PLCB1: variants seen among roughly 807,000 people sequenced by gnomAD.
PLCB1 encodes the protein phospholipase C beta 1, also known as 1-phosphatidylinositol 4,5-bisphosphate phosphodiesterase beta-1.
PLCB1 carries 46 observed loss-of-function variants against 161.8 expected under a neutral mutation model. The ratio of observed to expected loss-of-function variants is 0.28; its 90% CI spans 0.22 to 0.36. PLCB1 has a LOEUF of 0.36. PLCB1 is among the 10% of genes least tolerant of loss of function. The pLI is 1.00. For missense variants in PLCB1, 1,016 were observed against 1,472.5 expected, an observed-to-expected ratio of 0.69 and a Z score of 5.07; for synonymous variants, 517 against 503.7, an observed-to-expected ratio of 1.03 and a Z score of -0.35.
At chr20:8,729,308 G>A (rs1410634983) in intron 18 of PLCB1, 134 bp downstream of exon 18, 2 of 713,868 alleles carry the variant, frequency 2.8e-6, no homozygotes, top group Admixed American at 3.3e-5. Context: ...TTCAATGAAG[G>A]GAATATCAAT....
At chr20:8,350,045 A>G (rs191734581) in intron 2 of PLCB1, among the ~76,000 whole-genome samples, 3 of 152,202 alleles carry the variant, frequency 2.0e-5, no homozygotes, top group Non-Finnish European at 4.4e-5. Flanking sequence ...TTGTTTTTCT[A>G]TGTTCCAGAA....
chr20:8,328,112 C>A (rs1985227657), intron 2 of PLCB1, among the ~76,000 whole-genome samples: 1 of 151,842 alleles, frequency 6.6e-6, no homozygotes, highest in Non-Finnish European at 1.5e-5. Flanking sequence ...ATCTGTAATC[C>A]AAAAATCTGA....
chr20:8,564,803 G>T (rs1986267482), intron 3 of PLCB1, among the ~76,000 whole-genome samples: 1 of 152,200 alleles, frequency 6.6e-6, no homozygotes, highest in South Asian at 2.1e-4. Flanking sequence ...TCTAACACCA[G>T]TTGGAATGGC....
At chr20:8,809,807 C>A (rs2146250450) in intron 31 of PLCB1, among the ~76,000 whole-genome samples, 1 of 152,202 alleles carries the variant, frequency 6.6e-6, no homozygotes, top group South Asian at 2.1e-4. Flanking sequence ...AACTTTCAGG[C>A]CCTCAGTATA....
At chr20:8,734,821 A>T (rs1273120575) in intron 19 of PLCB1, among the ~76,000 whole-genome samples, 2 of 152,012 alleles carry the variant, frequency 1.3e-5, no homozygotes, top group Non-Finnish European at 1.5e-5. Context: ...ACATAAATGT[A>T]ATTTTTTGAT....
chr20:8,649,131 A>G (rs943442065), intron 6 of PLCB1, among the ~76,000 whole-genome samples: 4 of 152,202 alleles, frequency 2.6e-5, no homozygotes, highest in East Asian at 1.9e-4. Flanking sequence ...AATATTTTTT[A>G]ATTGGGTCAG....
At chr20:8,282,612 A>T (rs1355085947) in intron 2 of PLCB1, among the ~76,000 whole-genome samples, 1 of 152,178 alleles carries the variant, frequency 6.6e-6, no homozygotes, top group Non-Finnish European at 1.5e-5. Context: ...TGGAGCCAGG[A>T]TGTAAATAGA....
intron 9 of PLCB1, among the ~76,000 whole-genome samples, chr20:8,671,788 A>G (rs73078023): frequency 0.04 from 6,022 of 152,232 alleles, 183 homozygotes; most frequent in South Asian, 0.1. Context: ...AGTTATGTGG[A>G]TAAGCACCAT....
At chr20:8,369,236 T>G (rs1986822567) in intron 2 of PLCB1, among the ~76,000 whole-genome samples, 1 of 152,170 alleles carries the variant, frequency 6.6e-6, no homozygotes, top group Non-Finnish European at 1.5e-5. Flanking sequence ...GCGTGTTTTA[T>G]GACTTCCCTC....
intron 2 of PLCB1, among the ~76,000 whole-genome samples, chr20:8,370,388 C>A (rs913470136): frequency 6.6e-6 from 1 of 152,174 alleles, no homozygotes; most frequent in African/African-American, 2.4e-5. Flanking sequence ...AATGTCCTCC[C>A]ACGTGAATCC....
chr20:8,772,500 T>C (rs1982738402), intron 26 of PLCB1, among the ~76,000 whole-genome samples: 1 of 152,112 alleles, frequency 6.6e-6, no homozygotes, highest in Admixed American at 6.5e-5. Flanking sequence ...AAGCTGGTGA[T>C]GGGTATACCG....
intron 23 of PLCB1, among the ~76,000 whole-genome samples, chr20:8,747,148 A>G (rs951056679): frequency 2.6e-5 from 4 of 152,320 alleles, no homozygotes; most frequent in African/African-American, 7.2e-5. Flanking sequence ...AAACAGTAAC[A>G]TCTTTTGATT....
At chr20:8,148,900 G>T (rs1330507458) in intron 1 of PLCB1, among the ~76,000 whole-genome samples, 2 of 152,156 alleles carry the variant, frequency 1.3e-5, no homozygotes, top group Non-Finnish European at 2.9e-5. Context: ...TAAGACTGGT[G>T]GTTGCCAGGT....
chr20:8,467,748 G>A (rs1198564871), intron 3 of PLCB1, among the ~76,000 whole-genome samples: 4 of 151,886 alleles, frequency 2.6e-5, no homozygotes, highest in African/African-American at 7.3e-5. Context: ...CATCATCTTG[G>A]TTTTGGATTT....
intron 2 of PLCB1, among the ~76,000 whole-genome samples, chr20:8,166,976 A>G (rs2051682214): frequency 1.3e-5 from 2 of 152,056 alleles, no homozygotes; most frequent in South Asian, 4.1e-4. Flanking sequence ...TAGGTTTTTG[A>G]CTCAATGAGA....
At chr20:8,254,547 C>G (rs906705653) in intron 2 of PLCB1, among the ~76,000 whole-genome samples, 1 of 150,662 alleles carries the variant, frequency 6.6e-6, no homozygotes, top group Non-Finnish European at 1.5e-5. Flanking sequence ...GCTCCTCTTT[C>G]CTGAGGAGTG....
At chr20:8,578,190 A>G (rs554010406) in intron 3 of PLCB1, among the ~76,000 whole-genome samples, 3 of 152,334 alleles carry the variant, frequency 2.0e-5, no homozygotes, top group South Asian at 2.1e-4. Flanking sequence ...CCAACCCAGT[A>G]TTTGGCACAT....
intron 4 of PLCB1, among the ~76,000 whole-genome samples, chr20:8,644,484 GCGA>G (rs1266605273): frequency 2.0e-5 from 3 of 146,658 alleles, no homozygotes; most frequent in African/African-American, 7.6e-5. Flanking sequence ...CTGCCCAGCC[GCGA>G]CCCCGTCTGG....
chr20:8,235,535 C>T (rs1461429208), intron 2 of PLCB1, among the ~76,000 whole-genome samples: 1 of 152,058 alleles, frequency 6.6e-6, no homozygotes, highest in African/African-American at 2.4e-5. Context: ...AAGATGCTAT[C>T]ACAAACCAAC....
Sources: allele counts gnomAD v4.1 joint callset (sites outside exome capture counted in the v4.1 genomes callset), GRCh38; gene constraint gnomAD v4.1.1; transcripts MANE v1.5; gene names NCBI Gene and HGNC (gene_info 2026-07-23, HGNC 2026-07-21).